Variants in LINGO2 observed in about 807,000 individuals in gnomAD.
LINGO2 encodes the protein leucine rich repeat and Ig domain containing 2, also known as leucine-rich repeat and immunoglobulin-like domain-containing nogo receptor-interacting protein 2.
Under a neutral mutation model 30.6 loss-of-function variants are expected in LINGO2, and 14 were observed. That is an observed-to-expected ratio of 0.46 (90% CI 0.30 to 0.72). The LOEUF is 0.72. Among genes scored for constraint, LINGO2 ranks in the 30% least tolerant of loss-of-function variants. LINGO2 has a pLI of 0.07. For synonymous variants in LINGO2, 317 were observed against 288.5 expected (o/e 1.10, Z -1.00); for missense variants, 729 against 751.7 (o/e 0.97, Z 0.35).
At chr9:29,092,338 G>A in the LINGO2 span, among the ~76,000 whole-genome samples, 2 of 151,754 alleles carry the variant, frequency 1.3e-5, no homozygotes, top group African/African-American at 4.8e-5. Context: ...TAAGATCTAA[G>A]ACAAAGGCCA....
In LINGO2 at chr9:28,231,540, C is replaced by G. The variant is rs56350564; in HGVS notation, c.-87+63668G>C. On this transcript the variant is annotated intron_variant, in intron 4 of 5. Coordinates refer to ENST00000379992, the Ensembl canonical transcript of LINGO2. ...TTCTACAATTAAAAAGAAAACAAAA[C>G]TAATATCTATAGCAATATCATACAT... 9.2e-3 allele frequency among the ~76,000 whole-genome samples: 1,399 copies of G among 152,058 alleles called. 24 individuals are homozygous for G. Among genetic ancestry groups the G allele is most frequent in the African/African-American group, 0.031 (1,286 of 41,484 alleles).
the LINGO2 span, among the ~76,000 whole-genome samples, chr9:28,709,861 A>G: frequency 6.6e-6 from 1 of 152,000 alleles, no homozygotes; most frequent in African/African-American, 2.4e-5. Context: ...TTAACTAGAG[A>G]TTAATATGCC....
intron 2 of LINGO2, among the ~76,000 whole-genome samples, chr9:28,463,273 T>A (rs1402655243): frequency 6.6e-6 from 1 of 152,046 alleles, no homozygotes; most frequent in African/African-American, 2.4e-5. Context: ...CAATTTAGTG[T>A]GAAGAAATTT....
At chr9:28,082,570 A>G (rs1205139414) in intron 4 of LINGO2, among the ~76,000 whole-genome samples, 5 of 152,180 alleles carry the variant, frequency 3.3e-5, no homozygotes, top group African/African-American at 1.2e-4. Flanking sequence ...AGTGGCAGTA[A>G]ACAAATGGAC....
At chr9:28,301,515 G>GTGATTCTGGAGTGAT (rs1824142066) in intron 3 of LINGO2, among the ~76,000 whole-genome samples, 1 of 152,160 alleles carries the variant, frequency 6.6e-6, no homozygotes, top group Admixed American at 6.6e-5. Flanking sequence ...GAATCACCAT[G>GTGATTCTGGAGTGAT]TCTAGAGTGA....
At chr9:29,076,205 C>G in the LINGO2 span, among the ~76,000 whole-genome samples, 3 of 151,948 alleles carry the variant, frequency 2.0e-5, no homozygotes, top group East Asian at 5.8e-4. Flanking sequence ...ACACTATGTT[C>G]TGGGAAGACA....
At chr9:28,862,513 G>C in the LINGO2 span, among the ~76,000 whole-genome samples, 1 of 151,956 alleles carries the variant, frequency 6.6e-6, no homozygotes, top group Non-Finnish European at 1.5e-5. Flanking sequence ...TTAAAAATTA[G>C]TATGCTAATT....
At chr9:28,362,206 GTGTGTGTA>G (rs1461642289) in intron 3 of LINGO2, among the ~76,000 whole-genome samples, 1 of 103,100 alleles carries the variant, frequency 9.7e-6, no homozygotes, top group African/African-American at 3.8e-5. Flanking sequence ...GGTGTAAATT[GTGTGTGTA>G]TGTGTGTGTG....
chr9:28,416,157 G>GATAT (rs1386361691), intron 2 of LINGO2, among the ~76,000 whole-genome samples: 3 of 152,118 alleles, frequency 2.0e-5, no homozygotes, highest in Non-Finnish European at 2.9e-5. Context: ...AGCTATAGCA[G>GATAT]ATATGTAAAC....
intron 2 of LINGO2, among the ~76,000 whole-genome samples, chr9:28,394,216 A>C (rs1438596280): frequency 6.6e-6 from 1 of 152,182 alleles, no homozygotes. Flanking sequence ...ATCTCTTTCC[A>C]ACGCAATGCT....
intron 3 of LINGO2, among the ~76,000 whole-genome samples, chr9:28,351,491 A>T (rs1266666282): frequency 4.0e-5 from 6 of 151,368 alleles, no homozygotes; most frequent in African/African-American, 1.5e-4. Flanking sequence ...CAGGAGCTGA[A>T]ATTGTGGCAA....
chr9:28,557,393 A>G (rs1822775535), intron 1 of LINGO2, among the ~76,000 whole-genome samples: 1 of 152,172 alleles, frequency 6.6e-6, no homozygotes, highest in Non-Finnish European at 1.5e-5. Flanking sequence ...GACACATGAA[A>G]AAATGCTCAT....
chr9:28,945,247 G>A, the LINGO2 span, among the ~76,000 whole-genome samples: 1 of 152,088 alleles, frequency 6.6e-6, no homozygotes, highest in East Asian at 1.9e-4. Flanking sequence ...AACAGAACTA[G>A]AATGAGGATT....
rs1230818678 is a variant in LINGO2 at position 28,282,185 on chromosome 9, C to T, written c.-87+13023G>A. On this transcript the variant is annotated intron_variant, in intron 4 of 5. Transcript: ENST00000379992. ...AAAGTTTAAAATAGTCAAGTTATTT[C>T]CAGGATACAAATCTTTCAATATTAA... is the stretch of plus-strand genomic sequence containing the variant. Among the ~76,000 whole-genome samples, 3 of 152,154 alleles carry T rather than the reference C, an allele frequency of 2.0e-5. 1 individual carries two copies. Among genetic ancestry groups the T allele is most frequent in the Non-Finnish European group, 4.4e-5 (3 of 67,952 alleles).
At chr9:28,995,580 T>C in the LINGO2 span, among the ~76,000 whole-genome samples, 1 of 152,044 alleles carries the variant, frequency 6.6e-6, no homozygotes, top group Non-Finnish European at 1.5e-5. Flanking sequence ...CGTATGTTTA[T>C]TGCCGCACTA....
At chr9:28,253,229 T>C (rs1447691875) in intron 4 of LINGO2, among the ~76,000 whole-genome samples, 1 of 152,134 alleles carries the variant, frequency 6.6e-6, no homozygotes, top group Non-Finnish European at 1.5e-5. Context: ...TACAGTTTCA[T>C]TAAATCTTAA....
chr9:29,096,848 G>A, the LINGO2 span, among the ~76,000 whole-genome samples: 1 of 139,130 alleles, frequency 7.2e-6, no homozygotes, highest in African/African-American at 2.7e-5. Flanking sequence ...TCACCAAAAT[G>A]TTCCTGGAAA....
At chr9:28,825,589 A>C in the LINGO2 span, among the ~76,000 whole-genome samples, 1 of 148,886 alleles carries the variant, frequency 6.7e-6, no homozygotes, top group Non-Finnish European at 1.5e-5. Flanking sequence ...TTAATATTAC[A>C]TTTTTTCAAG....
chr9:28,551,332 T>C (rs936580501), intron 1 of LINGO2, among the ~76,000 whole-genome samples: 1 of 151,748 alleles, frequency 6.6e-6, no homozygotes, highest in African/African-American at 2.4e-5. Context: ...AATCTCTCTG[T>C]GAAATATTTT....
Sources: allele counts gnomAD v4.1 joint callset (sites outside exome capture counted in the v4.1 genomes callset), GRCh38; gene constraint gnomAD v4.1.1; transcripts MANE v1.5; gene names NCBI Gene and HGNC (gene_info 2026-07-23, HGNC 2026-07-21).